Variants in DST observed in about 807,000 individuals in gnomAD.
DST encodes bullous pemphigoid antigen.
In DST, 253 loss-of-function variants were observed where a neutral mutation model predicts 875.2. The observed-to-expected ratio is 0.29, with a 90% CI of 0.26 to 0.32. DST has a LOEUF of 0.32. Among genes scored for constraint, DST ranks in the 10% least tolerant of loss-of-function variants. The pLI is 1.00. For missense variants in DST, 8,287 were observed against 9,111.6 expected, an observed-to-expected ratio of 0.91 and a Z score of 3.68; for synonymous variants, 3,124 against 3,197.1, an observed-to-expected ratio of 0.98 and a Z score of 0.77.
At chr6:56,644,098 ACT>A (rs2098928538) in intron 15 of DST, among the ~76,000 whole-genome samples, 1 of 151,812 alleles carries the variant, frequency 6.6e-6, no homozygotes, top group African/African-American at 2.4e-5. Context: ...ACTCTCAACC[ACT>A]CTCTGCTTTC....
rs925515084 is a variant in DST, at chr6:56,501,503, A to C, written c.19740+17T>G. 3 of 1,466,440 alleles carry C rather than the reference A, an allele frequency of 2.0e-6. No homozygotes were observed. The African/African-American group carries it at 4.3e-5, about 21-fold the overall frequency. The allele number at this position is 1,466,440 out of a possible 1,614,324, so 90.8% of individuals were successfully genotyped here. ...ATTGAAAATTTATAATTTCTTAAGA[A>C]AAGTCTTGGTATTTACCTGTCTGTT... On this transcript the variant is annotated intron_variant, in intron 79 of 103. Transcript: ENST00000680361.
intron 4 of DST, among the ~76,000 whole-genome samples, chr6:56,841,839 A>G (rs1034837377): frequency 6.9e-6 from 1 of 144,222 alleles, no homozygotes; most frequent in African/African-American, 2.7e-5. Context: ...CCACCCACCC[A>G]CATACACACA....
intron 69 of DST, among the ~76,000 whole-genome samples, chr6:56,523,347 T>C (rs1435015688): frequency 2.0e-5 from 3 of 152,162 alleles, no homozygotes; most frequent in Non-Finnish European, 4.4e-5. Flanking sequence ...TATTGTGATA[T>C]AGGATTAACA....
At chr6:56,612,084 T>A (rs2098550270) in intron 37 of DST, among the ~76,000 whole-genome samples, 1 of 152,188 alleles carries the variant, frequency 6.6e-6, no homozygotes, top group African/African-American at 2.4e-5. Context: ...AATAAAGAAT[T>A]TCTAGCTGAG....
intron 80 of DST, among the ~76,000 whole-genome samples, chr6:56,500,580 A>AT (rs1218708722): frequency 1.3e-5 from 2 of 152,312 alleles, no homozygotes; most frequent in Admixed American, 1.3e-4. Context: ...AAGCCCCAAC[A>AT]TAAGAAGAGA....
chr6:56,504,156 A>G (rs1416841476), intron 77 of DST, 58 bp from the exon 78 acceptor site: 8 of 1,062,722 alleles, frequency 7.5e-6, no homozygotes, highest in African/African-American at 1.6e-5. Context: ...TTGCTACAGT[A>G]TTTCAAGTAC....
chr6:56,866,655 T>C (rs1774280066), intron 3 of DST, among the ~76,000 whole-genome samples: 1 of 152,214 alleles, frequency 6.6e-6, no homozygotes, highest in African/African-American at 2.4e-5. Flanking sequence ...TTATCCTGCT[T>C]CACTTTCCCC....
In DST at chr6:56,930,006, T is replaced by C. The variant is rs115226720; in HGVS notation, c.216+23779A>G. ...TCTTATTCAACTTGATTGTATTCCA[T>C]TTAAGTTTCTGACAGAAGCTCCTCT... On this transcript the variant is annotated intron_variant, in intron 2 of 103. Transcript: ENST00000680361. Among the ~76,000 whole-genome samples the C allele has an allele frequency of 6.4e-3, 973 of 152,350 alleles. 10 individuals are homozygous for C. Among genetic ancestry groups the C allele is most frequent in the African/African-American group, 0.023 (936 of 41,584 alleles).
chr6:56,500,331 T>G (rs997933170), intron 80 of DST, among the ~76,000 whole-genome samples: 5 of 152,116 alleles, frequency 3.3e-5, no homozygotes, highest in Non-Finnish European at 7.4e-5. Flanking sequence ...TTTTATCCAT[T>G]AAGTCTAGTG....
rs548719528 is a variant in DST at position 56,927,443 on chromosome 6, T to G, written c.216+26342A>C. ...CATTGAAATAAAAGCCTGACATGGATTTCCCTGAAAGAGAAAAATTAAGAC... is the reference window on the plus strand; with the variant it reads ...CATTGAAATAAAAGCCTGACATGGAGTTCCCTGAAAGAGAAAAATTAAGAC... On this transcript the variant is annotated intron_variant, in intron 2 of 103. Transcript: ENST00000680361. 3.4e-3 allele frequency among the ~76,000 whole-genome samples: 512 copies of G among 152,278 alleles called. 7 individuals are homozygous for G. Among genetic ancestry groups the G allele is most frequent in the African/African-American group, 0.012 (491 of 41,556 alleles).
rs984266443 is a variant in DST, at chr6:56,872,324, C to A, written c.418-20720G>T. 2.6e-5 allele frequency among the ~76,000 whole-genome samples: 4 copies of A among 151,996 alleles called. No individual in the cohort carries two copies. In the East Asian group the frequency reaches 7.7e-4, roughly 29 times the overall value. On this transcript the variant is annotated intron_variant, in intron 3 of 103. Transcript: ENST00000680361. The stretch of plus-strand genomic sequence containing the variant: ...CAAATAATTACATAAAGTATGATAA[C>A]ATTTTTTATTAAGTTAAAAGTAACT...
intron 5 of DST, among the ~76,000 whole-genome samples, chr6:56,709,793 C>G (rs1373545095): frequency 6.6e-6 from 1 of 152,146 alleles, no homozygotes; most frequent in African/African-American, 2.4e-5. Context: ...TCAGAGAACA[C>G]TCAGGAAGCT....
At chr6:56,550,227 T>C (rs973054182) in intron 61 of DST, among the ~76,000 whole-genome samples, 5 of 152,198 alleles carry the variant, frequency 3.3e-5, no homozygotes, top group Admixed American at 6.5e-5. Flanking sequence ...TGCAGAGTAT[T>C]TGTCTACTTG....
chr6:56,498,528 G>T (rs1391781731), intron 80 of DST, among the ~76,000 whole-genome samples: 1 of 152,096 alleles, frequency 6.6e-6, no homozygotes, highest in African/African-American at 2.4e-5. Flanking sequence ...GAATGACCTT[G>T]CAATTGATGA....
intron 5 of DST, among the ~76,000 whole-genome samples, chr6:56,727,600 G>A (rs2099468600): frequency 6.6e-6 from 1 of 152,096 alleles, no homozygotes; most frequent in Non-Finnish European, 1.5e-5. Context: ...ACTTTTATCT[G>A]TATCTCTAAA....
chr6:56,727,007 A>C (rs2152920678), intron 5 of DST, among the ~76,000 whole-genome samples: 1 of 152,330 alleles, frequency 6.6e-6, no homozygotes, highest in South Asian at 2.1e-4. Flanking sequence ...TAAAAGGAAA[A>C]TAAATCTTGG....
intron 3 of DST, among the ~76,000 whole-genome samples, chr6:56,872,822 T>TCC (rs1554220749): frequency 3.0e-5 from 3 of 99,566 alleles, no homozygotes; most frequent in African/African-American, 9.0e-5. Context: ...ATACACTGAT[T>TCC]CCCCCCCCCC....
chr6:56,621,797 T>C (rs78406736), intron 36 of DST, among the ~76,000 whole-genome samples: 18 of 152,330 alleles, frequency 1.2e-4, no homozygotes, highest in East Asian at 1.2e-3. Flanking sequence ...TAAACAGGAA[T>C]ACAGAAATTA....
chr6:56,529,940 A>G, intron 65 of DST, 34 bp downstream of exon 65: 1 of 1,608,606 alleles, frequency 6.2e-7, no homozygotes, highest in Non-Finnish European at 8.5e-7. Flanking sequence ...CACAATAAAA[A>G]CTGAACCTCG....
Sources: gnomAD v4.1 joint callset for allele counts (sites outside exome capture counted in the v4.1 genomes callset) on GRCh38, gnomAD v4.1.1 for gene constraint, MANE v1.5 for transcripts, NCBI Gene and HGNC (gene_info 2026-07-23, HGNC 2026-07-21) for gene names.